The following HIGD1C variants were observed in gnomAD, a reference collection of about 807,000 sequenced individuals.
HIGD1C encodes HIG1 hypoxia inducible domain family member 1C.
In HIGD1C, 11 loss-of-function variants were observed where a neutral mutation model predicts 13.1. That is an observed-to-expected ratio of 0.84 (90% CI 0.53 to 1.39). HIGD1C has a LOEUF of 1.39. Ranked by LOEUF, HIGD1C falls within the 40% of genes most tolerant of loss-of-function variation. The probability of loss-of-function intolerance (pLI) is 0.00; values close to 1 mark genes in which losing one functional copy is unlikely to be tolerated. For synonymous variants in HIGD1C, 36 were observed against 37.7 expected, an observed-to-expected ratio of 0.95 and a Z score of 0.17; for missense variants, 110 against 112.0, an observed-to-expected ratio of 0.98 and a Z score of 0.08.
upstream of HIGD1C, among the ~76,000 whole-genome samples, chr12:50,951,450 C>T (rs1352600375): frequency 6.6e-6 from 1 of 152,208 alleles, no homozygotes; most frequent in Non-Finnish European, 1.5e-5. Flanking sequence ...TTAACTACCA[C>T]CAGGCAATTC....
chr12:50,948,213 T>TC, the HIGD1C span, among the ~76,000 whole-genome samples: 6 of 152,098 alleles, frequency 3.9e-5, no homozygotes, highest in African/African-American at 1.4e-4. Context: ...CTTCTAATCC[T>TC]CCCCCAATCT....
chr12:50,933,507 G>T, the HIGD1C span, among the ~76,000 whole-genome samples: 1 of 152,162 alleles, frequency 6.6e-6, no homozygotes, highest in African/African-American at 2.4e-5. Context: ...GCCTGAACAG[G>T]GCTCAGATAA....
At chr12:50,950,682 T>TTA (rs913656553), upstream of HIGD1C, among the ~76,000 whole-genome samples, 4 of 143,044 alleles carry the variant, frequency 2.8e-5, no homozygotes, top group Non-Finnish European at 6.1e-5. Flanking sequence ...TTTTTTTTTT[T>TTA]TTTTTTTTTT....
chr12:50,948,864 GA>G, the HIGD1C span, among the ~76,000 whole-genome samples: 4 of 40,122 alleles, frequency 1.0e-4, no homozygotes, highest in Non-Finnish European at 1.3e-4. Context: ...GAGCGAGGAG[GA>G]GGGGGGAGGG....
the HIGD1C span, among the ~76,000 whole-genome samples, chr12:50,942,779 A>G: frequency 6.6e-6 from 1 of 151,920 alleles, no homozygotes; most frequent in Non-Finnish European, 1.5e-5. Context: ...TGGGTGGATC[A>G]ATTGAGCCCA....
the HIGD1C span, chr12:50,935,172 A>G: frequency 6.6e-6 from 1 of 152,234 alleles, no homozygotes; most frequent in Non-Finnish European, 1.5e-5. Context: ...CTGATGAATC[A>G]TAGCAAACCA....
upstream of HIGD1C, chr12:50,953,854 A>G (rs181662260): frequency 5.6e-4 from 312 of 559,142 alleles, no homozygotes; most frequent in Non-Finnish European, 8.5e-4. Context: ...AAGGAAAGAC[A>G]ATTGTTTCAG....
chr12:50,948,231 A>G, the HIGD1C span, among the ~76,000 whole-genome samples: 1 of 152,176 alleles, frequency 6.6e-6, no homozygotes, highest in Non-Finnish European at 1.5e-5. Context: ...TCTCTTCACA[A>G]CTTTAAAATT....
At chr12:50,960,108 A>G (rs752896172) in intron 1 of HIGD1C, among the ~76,000 whole-genome samples, 1 of 152,202 alleles carries the variant, frequency 6.6e-6, no homozygotes, top group African/African-American at 2.4e-5. Context: ...ACCCCTTGAC[A>G]TTTGTAGGAA....
intron 2 of HIGD1C, among the ~76,000 whole-genome samples, chr12:50,962,279 C>T (rs1939363110): frequency 6.6e-6 from 1 of 151,324 alleles, no homozygotes; most frequent in South Asian, 2.1e-4. Context: ...TGTGGTGGCA[C>T]ATGCCTGTAA....
the HIGD1C span, among the ~76,000 whole-genome samples, chr12:50,941,879 T>G: frequency 6.6e-6 from 1 of 152,162 alleles, no homozygotes; most frequent in African/African-American, 2.4e-5. Context: ...CTCCTATTCA[T>G]GCTCCCTTGT....
the HIGD1C span, among the ~76,000 whole-genome samples, chr12:50,944,799 A>G: frequency 6.6e-6 from 1 of 152,138 alleles, no homozygotes; most frequent in Non-Finnish European, 1.5e-5. Flanking sequence ...AGGCAGGAGA[A>G]TCGCTTGAAC....
the HIGD1C span, among the ~76,000 whole-genome samples, chr12:50,944,809 C>A: frequency 2.6e-5 from 4 of 152,138 alleles, no homozygotes; most frequent in Admixed American, 2.6e-4. Flanking sequence ...ATCGCTTGAA[C>A]CTGGGAGGCA....
chr12:50,957,937 G>GGTGT (rs71089717), intron 1 of HIGD1C, among the ~76,000 whole-genome samples: 16,333 of 132,208 alleles, frequency 0.12, 1,221 homozygotes, highest in Non-Finnish European at 0.17. Flanking sequence ...ATGAATTGGA[G>GGTGT]GTGTGTGTGT....
At chr12:50,965,779 AG>A (rs777649771) in intron 2 of HIGD1C, among the ~76,000 whole-genome samples, 2 of 152,234 alleles carry the variant, frequency 1.3e-5, no homozygotes, top group Non-Finnish European at 2.9e-5. Context: ...CTGGTAAATG[AG>A]CACAGGTCCC....
Position 50,961,122 on chromosome 12 carries a change from T to C in HIGD1C, c.229+20T>C, listed in dbSNP as rs769300983. 6 of 1,612,384 alleles carry C rather than the reference T, an allele frequency of 3.7e-6. No individual in the cohort carries two copies. The highest frequency in any genetic ancestry group is 5.1e-6 in the Non-Finnish European group (6 of 1,179,006). On this transcript the variant is annotated intron_variant, in intron 2 of 2. Transcript: ENST00000398455. ...CTCTAGGTAACCCGCTTAATTTGTA[T>C]CTTATGTTCAGCTGTCTTTGAGAGT...
At chr12:50,964,126 G>A (rs985047613) in intron 2 of HIGD1C, among the ~76,000 whole-genome samples, 1 of 149,916 alleles carries the variant, frequency 6.7e-6, no homozygotes, top group African/African-American at 2.4e-5. Flanking sequence ...TAGATGATAG[G>A]TAAATGGACG....
upstream of HIGD1C, among the ~76,000 whole-genome samples, chr12:50,953,369 A>T (rs1938969716): frequency 6.6e-6 from 1 of 152,250 alleles, no homozygotes; most frequent in Non-Finnish European, 1.5e-5. Context: ...GAACAGACTC[A>T]GGCGCTGCTA....
the HIGD1C span, among the ~76,000 whole-genome samples, chr12:50,948,568 C>T: frequency 1.6e-4 from 25 of 151,536 alleles, no homozygotes; most frequent in African/African-American, 5.6e-4. Context: ...GAAAATATAC[C>T]TTCAATAATA....
Sources: allele counts gnomAD v4.1 joint callset (sites outside exome capture counted in the v4.1 genomes callset), GRCh38; gene constraint gnomAD v4.1.1; transcripts MANE v1.5; gene names NCBI Gene and HGNC (gene_info 2026-07-23, HGNC 2026-07-21).